Variants in MARCKSL1 observed in about 807,000 individuals in gnomAD.
MARCKSL1 encodes MARCKS like 1.
In MARCKSL1, 5 loss-of-function variants were observed where a neutral mutation model predicts 13.3. The observed-to-expected ratio is 0.38, with a 90% CI of 0.20 to 0.79. The LOEUF (loss-of-function observed/expected upper bound fraction) is 0.79. Among genes scored for constraint, MARCKSL1 ranks in the 30% least tolerant of loss-of-function variants. MARCKSL1 has a pLI of 0.45. For synonymous variants in MARCKSL1, 126 were observed against 103.2 expected (o/e 1.22, Z -1.34); for missense variants, 274 against 251.6 (o/e 1.09, Z -0.60).
Position 32,335,579 on chromosome 1 carries a change from C to T in MARCKSL1, c.87+368G>A, listed in dbSNP as rs1641376529. On this transcript the variant is annotated intron_variant, in intron 1 of 1. Coordinates refer to ENST00000329421, the MANE Select transcript of MARCKSL1 (RefSeq NM_023009.7). The surrounding 1 kb of genome is among the most constrained non-coding windows in gnomAD (Gnocchi z 4.1). The stretch of plus-strand genomic sequence containing the variant: ...TAAAAAAAAAAAGACCGTGGGCCAC[C>T]GAGGTCGGGTCGGCGGGTGGAGTGC... 6.6e-6 allele frequency among the ~76,000 whole-genome samples: 1 copy of T among 151,666 alleles called. No individual in the cohort carries two copies. Among genetic ancestry groups the T allele is most frequent in the African/African-American group, 2.4e-5 (1 of 41,366 alleles).
At position 32,336,181 on chromosome 1, in the gene MARCKSL1, G is replaced by T. The variant is rs902987544; in HGVS notation, c.-148C>A. On this transcript the variant is annotated 5_prime_UTR_variant, in exon 1 of 2. Transcript: ENST00000329421. ...GGAAGCCGAGCTGCACCTCCGCTCCGCGGCCGACCCGCTAGCTGCGCCCGC... is the reference window on the plus strand; with the variant it reads ...GGAAGCCGAGCTGCACCTCCGCTCCTCGGCCGACCCGCTAGCTGCGCCCGC... The T allele has an allele frequency of 2.8e-6, 1 of 355,308 alleles. No homozygotes were observed. The highest frequency in any genetic ancestry group is 5.0e-6 in the Non-Finnish European group (1 of 199,770). 22.0% of individuals were successfully genotyped at this position (355,308 alleles called of 1,614,324 possible). A position where few individuals can be genotyped will look rare whatever the true frequency, so the allele number is the denominator to read the frequency against.
In MARCKSL1 at chr1:32,335,130, GGGCTCCCCCTCCCCCA is replaced by G; in HGVS notation, c.88-49_88-34del. The G allele has an allele frequency of 1.3e-6, 2 of 1,502,976 alleles. No individual in the cohort carries two copies. Among genetic ancestry groups the G allele is most frequent in the African/African-American group, 2.8e-5 (2 of 71,426 alleles). The allele number at this position is 1,502,976 out of a possible 1,614,324, so 93.1% of individuals were successfully genotyped here. ...GCAGAGGGAATAGCAATGAGGGCAG[GGGCTCCCCCTCCCCCA>G]GCCCGCTTCTGATCCCTTCTAGAGG... is the stretch of plus-strand genomic sequence containing the variant. On this transcript the variant is annotated intron_variant, in intron 1 of 1. Transcript: ENST00000329421. This position sits in a 1 kb window ranked among gnomAD's most constrained non-coding sequence, Gnocchi z 4.1.
At position 32,334,025 on chromosome 1, in the gene MARCKSL1, C is replaced by T. The variant is rs1352164425; in HGVS notation, c.*572G>A. The T allele has an allele frequency of 6.6e-6, 1 of 152,666 alleles. No individual in the cohort carries two copies. Among genetic ancestry groups the T allele is most frequent in the Non-Finnish European group, 1.5e-5 (1 of 68,114 alleles). The allele number at this position is 152,666 out of a possible 1,614,324, so 9.5% of individuals were successfully genotyped here. A position where few individuals can be genotyped will look rare whatever the true frequency, so the allele number is the denominator to read the frequency against. The stretch of plus-strand genomic sequence containing the variant: ...TTACAGACCTCCCCCCACCCCAAAG[C>T]CTAATACTTGCTTACCAAGTCAAAA... On this transcript the variant is annotated 3_prime_UTR_variant, in exon 2 of 2. Transcript: ENST00000329421.
rs577898428 is a variant in MARCKSL1 at position 32,335,242 on chromosome 1, G to A, written c.88-145C>T. ...CAGCCTCACCCACACCCAGGATCCCGTCAAACACCTCCCTCTCGCCCCTCA... is the reference window on the plus strand; with the variant it reads ...CAGCCTCACCCACACCCAGGATCCCATCAAACACCTCCCTCTCGCCCCTCA... On this transcript the variant is annotated intron_variant, in intron 1 of 1. Coordinates refer to ENST00000329421, the MANE Select transcript of MARCKSL1 (RefSeq NM_023009.7). The surrounding 1 kb of genome is among the most constrained non-coding windows in gnomAD (Gnocchi z 4.1). The A allele has an allele frequency of 5.8e-5, 53 of 917,918 alleles. No individual in the cohort carries two copies. In the East Asian group the frequency reaches 1.4e-3, roughly 25 times the overall value. 56.9% of individuals were successfully genotyped at this position (917,918 alleles called of 1,614,324 possible).
In MARCKSL1 at chr1:32,334,885, C is replaced by A. The variant is rs1200419578; in HGVS notation, c.300G>T (p.Leu100Phe). ...KKFSFKKPFK[L>F]SGLSFKRNRK... is the part of the protein sequence containing the mutation. ...GATTTCTCTTGAAGGACAGGCCGCT[C>A]AATTTGAAAGGCTTCTTGAAAGAGA... The change falls in exon 2 of 2, where the codon TTG (leucine) becomes TTT (phenylalanine). Residue 100 changes from leucine (L) to phenylalanine (F), a missense_variant. Leu to Phe is a conservative substitution (Grantham distance 22). Transcript: ENST00000329421. 1.2e-6 allele frequency: 2 copies of A among 1,612,580 alleles called. No homozygotes were observed. The highest frequency in any genetic ancestry group is 2.2e-5 in the East Asian group (1 of 44,850).
rs753884968 is a variant in MARCKSL1, at chr1:32,334,630, G to A, written c.555C>T (p.Gly185=). 1 of 1,590,594 alleles carries A rather than the reference G, an allele frequency of 6.3e-7. No homozygotes were observed. Among genetic ancestry groups the A allele is most frequent in the Non-Finnish European group, 8.6e-7 (1 of 1,168,622 alleles). Residue 185 remains glycine, a synonymous_variant, in exon 2 of 2, where the codon GGC becomes GGT. Transcript: ENST00000329421. ...TCTGCTCAGCGCTGGCTGGTGTAGGGCCACTCTCCGGCCCCGAGGGAGTGG... is the reference window on the plus strand; with the variant it reads ...TCTGCTCAGCGCTGGCTGGTGTAGGACCACTCTCCGGCCCCGAGGGAGTGG... ...EPSTPSGPES[G]PTPASAEQNE
At position 32,335,109 on chromosome 1, in the gene MARCKSL1, AG is replaced by A; in HGVS notation, c.88-13del. ...ACGTGGCCATTCTCCTGCAGGGCAG[AG>A]GGAATAGCAATGAGGGCAGGGGCTC... On this transcript the variant is annotated splice_polypyrimidine_tract_variant and intron_variant, in intron 1 of 1. Coordinates refer to ENST00000329421, the MANE Select transcript of MARCKSL1 (RefSeq NM_023009.7). The surrounding 1 kb of genome is among the most constrained non-coding windows in gnomAD (Gnocchi z 4.1). 1 of 1,518,520 alleles carries A rather than the reference AG, an allele frequency of 6.6e-7. No individual in the cohort carries two copies. The highest frequency in any genetic ancestry group is 1.4e-5 in the African/African-American group (1 of 71,772). 94.1% of individuals were successfully genotyped at this position (1,518,520 alleles called of 1,614,324 possible). A position where few individuals can be genotyped will look rare whatever the true frequency, so the allele number is the denominator to read the frequency against.
chr1:32,335,901 A>G lies in MARCKSL1; in HGVS notation c.87+46T>C. The G allele has an allele frequency of 8.6e-7, 1 of 1,158,960 alleles. No individual in the cohort carries two copies. The allele number at this position is 1,158,960 out of a possible 1,614,324, so 71.8% of individuals were successfully genotyped here. A position where few individuals can be genotyped will look rare whatever the true frequency, so the allele number is the denominator to read the frequency against. ...CCGGCCCCGGGCCCTAGAAGGGGCG[A>G]GGTGCGAGAGGAGGGGCTGGGGCCG... On this transcript the variant is annotated intron_variant, in intron 1 of 1. Transcript: ENST00000329421. This position sits in a 1 kb window ranked among gnomAD's most constrained non-coding sequence, Gnocchi z 4.1.
Position 32,336,110 on chromosome 1 carries a change from G to C in MARCKSL1, c.-77C>G. 1.4e-6 allele frequency: 1 copy of C among 707,024 alleles called. No individual in the cohort carries two copies. 43.8% of individuals were successfully genotyped at this position (707,024 alleles called of 1,614,324 possible). A position where few individuals can be genotyped will look rare whatever the true frequency, so the allele number is the denominator to read the frequency against. ...GGGATAGTACGGCGGGGTCGGCCCGGCCGGCGGAGGGGTGGGGCTGGCGCC... is the reference window on the plus strand; with the variant it reads ...GGGATAGTACGGCGGGGTCGGCCCGCCCGGCGGAGGGGTGGGGCTGGCGCC... On this transcript the variant is annotated 5_prime_UTR_variant, in exon 1 of 2. Coordinates refer to ENST00000329421, the MANE Select transcript of MARCKSL1 (RefSeq NM_023009.7).
At position 32,334,849 on chromosome 1, in the gene MARCKSL1, A is replaced by G. The variant is rs1570048305; in HGVS notation, c.336T>C (p.Gly112=). 1 of 1,610,898 alleles carries G rather than the reference A, an allele frequency of 6.2e-7. No homozygotes were observed. Among genetic ancestry groups the G allele is most frequent in the Non-Finnish European group, 8.5e-7 (1 of 1,179,614 alleles). ...GLSFKRNRKE[G]GGDSSASSPT... ...GTGAGGAGGCAGAAGAATCACCCCC[A>G]CCCTCCTTCCGATTTCTCTTGAAGG... The change falls in exon 2 of 2, where the codon GGT becomes GGC. Residue 112 remains glycine (G), a synonymous_variant. Coordinates refer to ENST00000329421, the MANE Select transcript of MARCKSL1 (RefSeq NM_023009.7).
rs1641376276 is a variant in MARCKSL1, at chr1:32,335,569, C to G, written c.87+378G>C. Among the ~76,000 whole-genome samples the G allele has an allele frequency of 1.3e-5, 2 of 151,658 alleles. No individual in the cohort carries two copies. Among genetic ancestry groups the G allele is most frequent in the Admixed American group, 1.3e-4 (2 of 15,266 alleles). On this transcript the variant is annotated intron_variant, in intron 1 of 1. Coordinates refer to ENST00000329421, the MANE Select transcript of MARCKSL1 (RefSeq NM_023009.7). The surrounding 1 kb of genome is among the most constrained non-coding windows in gnomAD (Gnocchi z 4.1). Reference sequence around the variant, plus strand: ...GGCTCCCCCTTAAAAAAAAAAAGACCGTGGGCCACCGAGGTCGGGTCGGCG... The same window carrying G: ...GGCTCCCCCTTAAAAAAAAAAAGACGGTGGGCCACCGAGGTCGGGTCGGCG...
chr1:32,335,886 G>C lies in MARCKSL1; in HGVS notation c.87+61C>G, dbSNP rs1387574429. On this transcript the variant is annotated intron_variant, in intron 1 of 1. Transcript: ENST00000329421. This position sits in a 1 kb window ranked among gnomAD's most constrained non-coding sequence, Gnocchi z 4.1. The stretch of plus-strand genomic sequence containing the variant: ...CGCGCGGCCCCGGCCCCGGCCCCGG[G>C]CCCTAGAAGGGGCGAGGTGCGAGAG... The C allele has an allele frequency of 3.9e-5, 40 of 1,037,964 alleles. No homozygotes were observed. The East Asian group carries it at 9.0e-4, about 23-fold the overall frequency. The allele number at this position is 1,037,964 out of a possible 1,614,324, so 64.3% of individuals were successfully genotyped here. A position where few individuals can be genotyped will look rare whatever the true frequency, so the allele number is the denominator to read the frequency against.
At position 32,335,848 on chromosome 1, in the gene MARCKSL1, G is replaced by A. The variant is rs1641382655; in HGVS notation, c.87+99C>T. 2 of 538,580 alleles carry A rather than the reference G, an allele frequency of 3.7e-6. No homozygotes were observed. The highest frequency in any genetic ancestry group is 2.0e-5 in the African/African-American group (1 of 49,704). 33.4% of individuals were successfully genotyped at this position (538,580 alleles called of 1,614,324 possible). A position where few individuals can be genotyped will look rare whatever the true frequency, so the allele number is the denominator to read the frequency against. The stretch of plus-strand genomic sequence containing the variant: ...CGGGGGAGGGGGCGCCGCGTGTCCC[G>A]GGCCGGACAAAGCGCGCGGCCCCGG... On this transcript the variant is annotated intron_variant, in intron 1 of 1. Transcript: ENST00000329421. This position sits in a 1 kb window ranked among gnomAD's most constrained non-coding sequence, Gnocchi z 4.1.
chr1:32,335,351 G>C lies in MARCKSL1; in HGVS notation c.88-254C>G, dbSNP rs897789345. On this transcript the variant is annotated intron_variant, in intron 1 of 1. Transcript: ENST00000329421. The surrounding 1 kb of genome is among the most constrained non-coding windows in gnomAD (Gnocchi z 4.1). ...GTGGCCCCCACCCCCGTCCCCCGGG[G>C]CGCGCTCTCTATTCCGCGCGGAACC... Among the ~76,000 whole-genome samples the C allele has an allele frequency of 1.3e-5, 2 of 151,480 alleles. No homozygotes were observed. Among genetic ancestry groups the C allele is most frequent in the African/African-American group, 4.8e-5 (2 of 41,316 alleles).
rs572780285 is a variant in MARCKSL1 at position 32,334,482 on chromosome 1, T to C, written c.*115A>G. 7 of 1,296,978 alleles carry C rather than the reference T, an allele frequency of 5.4e-6. No homozygotes were observed. In the East Asian group the frequency reaches 7.8e-5, roughly 14 times the overall value. The allele number at this position is 1,296,978 out of a possible 1,614,324, so 80.3% of individuals were successfully genotyped here. ...AGGGAACGTGGCTGGGAGGAGGCAA[T>C]AGCCCCTTCCTTTCTGGGCACAGGA... On this transcript the variant is annotated 3_prime_UTR_variant, in exon 2 of 2. Coordinates refer to ENST00000329421, the MANE Select transcript of MARCKSL1 (RefSeq NM_023009.7).
Position 32,334,792 on chromosome 1 carries a change from G to C in MARCKSL1, c.393C>G (p.Ile131Met), listed in dbSNP as rs961541698. The C allele has an allele frequency of 6.2e-7, 1 of 1,611,592 alleles. No individual in the cohort carries two copies. Among genetic ancestry groups the C allele is most frequent in the African/African-American group, 1.3e-5 (1 of 74,992 alleles). ...PTEEEQEQGE[I>M]GACSDEGTAQ... The stretch of plus-strand genomic sequence containing the variant: ...CAGTGCCCTCGTCGCTGCAGGCACC[G>C]ATCTCCCCCTGCTCCTGCTCTTCCT... The change falls in exon 2 of 2, where the codon ATC (isoleucine) becomes ATG (methionine). Residue 131 changes from isoleucine (I) to methionine (M), a missense_variant. By Grantham distance (10) the Ile-to-Met change is conservative. Coordinates refer to ENST00000329421, the MANE Select transcript of MARCKSL1 (RefSeq NM_023009.7).
chr1:32,336,016 G>A lies in MARCKSL1; in HGVS notation c.18C>T (p.Ser6=), dbSNP rs1283292502. MGSQS[S]KAPRGDVTAE... The stretch of plus-strand genomic sequence containing the variant: ...CGGTCACGTCGCCCCGGGGAGCCTT[G>A]GAGCTCTGGCTGCCCATGATGGGGG... The change falls in exon 1 of 2, where the codon TCC becomes TCT. Residue 6 remains serine, a synonymous_variant. Coordinates refer to ENST00000329421, the MANE Select transcript of MARCKSL1 (RefSeq NM_023009.7). 1 of 1,295,138 alleles carries A rather than the reference G, an allele frequency of 7.7e-7. No individual in the cohort carries two copies. The highest frequency in any genetic ancestry group is 9.8e-7 in the Non-Finnish European group (1 of 1,020,968). 80.2% of individuals were successfully genotyped at this position (1,295,138 alleles called of 1,614,324 possible).
Position 32,335,248 on chromosome 1 carries a change from C to T in MARCKSL1, c.88-151G>A. ...CACCCACACCCAGGATCCCGTCAAACACCTCCCTCTCGCCCCTCACGGGCG... is the reference window on the plus strand; with the variant it reads ...CACCCACACCCAGGATCCCGTCAAATACCTCCCTCTCGCCCCTCACGGGCG... On this transcript the variant is annotated intron_variant, in intron 1 of 1. Coordinates refer to ENST00000329421, the MANE Select transcript of MARCKSL1 (RefSeq NM_023009.7). This position sits in a 1 kb window ranked among gnomAD's most constrained non-coding sequence, Gnocchi z 4.1. 2 of 909,188 alleles carry T rather than the reference C, an allele frequency of 2.2e-6. No homozygotes were observed. Among genetic ancestry groups the T allele is most frequent in the Non-Finnish European group, 2.9e-6 (2 of 678,476 alleles). The allele number at this position is 909,188 out of a possible 1,614,324, so 56.3% of individuals were successfully genotyped here. A position where few individuals can be genotyped will look rare whatever the true frequency, so the allele number is the denominator to read the frequency against.
In MARCKSL1 at chr1:32,335,272, C is replaced by A. The variant is rs1462351931; in HGVS notation, c.88-175G>T. Among the ~76,000 whole-genome samples, 5 of 152,168 alleles carry A rather than the reference C, an allele frequency of 3.3e-5. No individual in the cohort carries two copies. In the South Asian group the frequency reaches 8.3e-4, roughly 25 times the overall value. Reference sequence around the variant, plus strand: ...ACACCTCCCTCTCGCCCCTCACGGGCGCGCGGGGAGCGAGCGCGCAGAGGG... The same window carrying A: ...ACACCTCCCTCTCGCCCCTCACGGGAGCGCGGGGAGCGAGCGCGCAGAGGG... On this transcript the variant is annotated intron_variant, in intron 1 of 1. Transcript: ENST00000329421. This position sits in a 1 kb window ranked among gnomAD's most constrained non-coding sequence, Gnocchi z 4.1.
Sources: gnomAD v4.1 joint callset for allele counts (sites outside exome capture counted in the v4.1 genomes callset) on GRCh38, gnomAD v4.1.1 for gene constraint, Gnocchi (gnomAD v3.1) non-coding constraint, MANE v1.5 for transcripts, NCBI Gene and HGNC (gene_info 2026-07-23, HGNC 2026-07-21) for gene names.